COMMD10: variants seen among roughly 807,000 people sequenced by gnomAD.
COMMD10 encodes COMM domain containing 10, also known as COMM domain-containing protein 10.
COMMD10 carries 33 observed loss-of-function variants against 28.9 expected under a neutral mutation model. That is an observed-to-expected ratio of 1.14 (90% confidence interval 0.87 to 1.53). COMMD10 has a LOEUF of 1.53. COMMD10 is among the 40% of genes most tolerant of loss of function. The pLI is 0.00. For missense variants in COMMD10, 310 were observed against 233.4 expected (o/e 1.33, Z -2.14); for synonymous variants, 110 against 81.7 (o/e 1.35, Z -1.87).
rs143236922 is a variant in COMMD10, at chr5:116,098,944, CA to C, written c.399+6245del. Among the ~76,000 whole-genome samples, 21 of 152,288 alleles carry C rather than the reference CA, an allele frequency of 1.4e-4. No individual in the cohort carries two copies. In the East Asian group the frequency reaches 4.0e-3, roughly 29 times the overall value. Reference sequence around the variant, plus strand: ...ATTAATCAACATATCTGTCACCACACAGTTACCACCTTTTATGTGTGGGTGA... The same window carrying C: ...ATTAATCAACATATCTGTCACCACACGTTACCACCTTTTATGTGTGGGTGA... On this transcript the variant is annotated intron_variant, in intron 4 of 6. Transcript: ENST00000274458.
chr5:116,258,864 G>C (rs1750361373), intron 5 of COMMD10, among the ~76,000 whole-genome samples: 1 of 151,450 alleles, frequency 6.6e-6, no homozygotes, highest in Non-Finnish European at 1.5e-5. Flanking sequence ...CTTTAGCTAA[G>C]GGAAATTTTC....
chr5:116,116,097 T>C (rs1420153975), intron 4 of COMMD10, among the ~76,000 whole-genome samples: 3 of 152,176 alleles, frequency 2.0e-5, no homozygotes, highest in Non-Finnish European at 4.4e-5. Context: ...CTTTGTATTT[T>C]CTTACAGGTT....
At chr5:116,239,473 A>G (rs768718623) in intron 5 of COMMD10, among the ~76,000 whole-genome samples, 18 of 152,168 alleles carry the variant, frequency 1.2e-4, no homozygotes, top group Non-Finnish European at 1.6e-4. Flanking sequence ...AGCAGCTCAC[A>G]TGGGCCTTAT....
chr5:116,192,040 G>T (rs1050813895), intron 5 of COMMD10, among the ~76,000 whole-genome samples: 3 of 151,684 alleles, frequency 2.0e-5, no homozygotes, highest in Non-Finnish European at 1.5e-5. Context: ...AGACTCGGTG[G>T]CTAGACCCAG....
At chr5:116,097,640 G>T (rs144621891) in intron 4 of COMMD10, among the ~76,000 whole-genome samples, 10 of 152,212 alleles carry the variant, frequency 6.6e-5, no homozygotes, top group Non-Finnish European at 1.3e-4. Flanking sequence ...CCTGAAATAG[G>T]GTAATTATAT....
intron 5 of COMMD10, among the ~76,000 whole-genome samples, chr5:116,246,484 A>AG (rs969381381): frequency 5.3e-5 from 8 of 152,164 alleles, no homozygotes; most frequent in Non-Finnish European, 8.8e-5. Flanking sequence ...AAAAAAAAAA[A>AG]CTATCTTAAA....
intron 5 of COMMD10, among the ~76,000 whole-genome samples, chr5:116,252,692 G>T (rs1322005881): frequency 7.7e-6 from 1 of 129,322 alleles, no homozygotes; most frequent in South Asian, 2.6e-4. Flanking sequence ...ATGCTGTTTT[G>T]GTTACTGTAG....
At chr5:116,269,495 A>G (rs143045007) in intron 5 of COMMD10, among the ~76,000 whole-genome samples, 4,255 of 151,882 alleles carry the variant, frequency 0.028, 263 homozygotes, top group African/African-American at 0.097. Flanking sequence ...AATCTTATGC[A>G]GTTCAAGTTA....
chr5:116,201,207 C>T (rs745974523), intron 5 of COMMD10, among the ~76,000 whole-genome samples: 28 of 152,236 alleles, frequency 1.8e-4, no homozygotes, highest in Admixed American at 3.3e-4. Context: ...TAAATAGTTT[C>T]CTCTATGGGC....
rs547029575 is a variant in COMMD10 at position 116,293,222 on chromosome 5, A to G, written c.*733A>G. 2.6e-6 allele frequency: 1 copy of G among 380,374 alleles called. No homozygotes were observed. Among genetic ancestry groups the G allele is most frequent in the East Asian group, 3.7e-5 (1 of 26,850 alleles). 23.6% of individuals were successfully genotyped at this position (380,374 alleles called of 1,614,324 possible). ...AAATGGGCACCATTATTCGAATCAG[A>G]TACCTTTTATATTCTCTTTCCATAA... On this transcript the variant is annotated 3_prime_UTR_variant, in exon 7 of 7. Transcript: ENST00000274458.
chr5:116,233,975 TA>T (rs1241282106), intron 5 of COMMD10, among the ~76,000 whole-genome samples: 1 of 152,162 alleles, frequency 6.6e-6, no homozygotes, highest in Non-Finnish European at 1.5e-5. Context: ...GTTTTTACAT[TA>T]ACAGAAGAGG....
chr5:116,205,735 G>C (rs185912590), intron 5 of COMMD10, among the ~76,000 whole-genome samples: 1 of 151,968 alleles, frequency 6.6e-6, no homozygotes, highest in African/African-American at 2.4e-5. Context: ...TCAAGATGGC[G>C]CCTTTTAAGA....
At chr5:116,242,175 C>T (rs1238548249) in intron 5 of COMMD10, among the ~76,000 whole-genome samples, 3 of 151,994 alleles carry the variant, frequency 2.0e-5, no homozygotes, top group Non-Finnish European at 2.9e-5. Context: ...AGATTCTGAC[C>T]GTATCTAATA....
chr5:116,173,942 C>G (rs986107945), intron 5 of COMMD10, among the ~76,000 whole-genome samples: 3 of 151,378 alleles, frequency 2.0e-5, no homozygotes, highest in African/African-American at 7.3e-5. Context: ...GAAAATATGC[C>G]ATGTGCCATA....
intron 4 of COMMD10, among the ~76,000 whole-genome samples, chr5:116,099,430 A>AGGAT (rs1750580127): frequency 6.6e-6 from 1 of 151,520 alleles, no homozygotes. Context: ...ATATCTCTTC[A>AGGAT]ACTGATTTCA....
intron 5 of COMMD10, among the ~76,000 whole-genome samples, chr5:116,156,146 T>C (rs1477037707): frequency 6.6e-6 from 1 of 152,126 alleles, no homozygotes; most frequent in Admixed American, 6.6e-5. Flanking sequence ...GGTTAAGCTG[T>C]CCTACTATCC....
At chr5:116,207,531 A>T (rs893233514) in intron 5 of COMMD10, among the ~76,000 whole-genome samples, 5 of 151,162 alleles carry the variant, frequency 3.3e-5, no homozygotes, top group Non-Finnish European at 7.4e-5. Context: ...AGTATTTCAG[A>T]TTTTTTTTTC....
At chr5:116,284,252 A>G (rs746184256) in intron 5 of COMMD10, among the ~76,000 whole-genome samples, 1 of 151,950 alleles carries the variant, frequency 6.6e-6, no homozygotes, top group African/African-American at 2.4e-5. Flanking sequence ...AAGAATGGAG[A>G]TGTAATGTCA....
chr5:116,208,747 A>G (rs1748882138), intron 5 of COMMD10, among the ~76,000 whole-genome samples: 2 of 152,168 alleles, frequency 1.3e-5, no homozygotes, highest in Non-Finnish European at 2.9e-5. Flanking sequence ...GTGATTGAGA[A>G]CAAACAGGGA....
Sources: allele counts gnomAD v4.1 joint callset (sites outside exome capture counted in the v4.1 genomes callset), GRCh38; gene constraint gnomAD v4.1.1; transcripts MANE v1.5; gene names NCBI Gene and HGNC (gene_info 2026-07-23, HGNC 2026-07-21).